PSMD11: variants seen among roughly 807,000 people sequenced by gnomAD.
The protein encoded by PSMD11 is proteasome 26S subunit, non-ATPase 11.
In PSMD11, 5 loss-of-function variants were observed where a neutral mutation model predicts 62.3. The ratio of observed to expected loss-of-function variants is 0.08; its 90% CI spans 0.04 to 0.17. The LOEUF (loss-of-function observed/expected upper bound fraction) is 0.17. PSMD11 is among the 10% of genes least tolerant of loss of function. The pLI is 1.00. For missense variants in PSMD11, 310 were observed against 512.9 expected (o/e 0.60, Z 3.82); for synonymous variants, 191 against 191.8 (o/e 1.00, Z 0.03).
rs147494964 is a variant in PSMD11 at position 32,462,915 on chromosome 17, C to T, written c.319-1134C>T. Among the ~76,000 whole-genome samples the T allele has an allele frequency of 6.8e-4, 104 of 152,252 alleles. 3 individuals carry two copies. Among genetic ancestry groups the T allele is most frequent in the Admixed American group, 6.0e-3 (91 of 15,286 alleles). On this transcript the variant is annotated intron_variant, in intron 3 of 13. Transcript: ENST00000261712. Reference sequence around the variant, plus strand: ...GTTGGTCAGGCTGGTCTTGAACTCCCGACCTCAGGTGATCCACCTGCCTTG... The same window carrying T: ...GTTGGTCAGGCTGGTCTTGAACTCCTGACCTCAGGTGATCCACCTGCCTTG...
intron 3 of PSMD11, among the ~76,000 whole-genome samples, chr17:32,462,494 G>A (rs1907870882): frequency 6.6e-6 from 1 of 152,168 alleles, no homozygotes; most frequent in African/African-American, 2.4e-5. Context: ...TAGAGTTGGA[G>A]ATTAGGTAGC....
At chr17:32,472,040 T>G (rs1908177923) in intron 6 of PSMD11, among the ~76,000 whole-genome samples, 1 of 152,130 alleles carries the variant, frequency 6.6e-6, no homozygotes, top group Admixed American at 6.5e-5. Flanking sequence ...CACGCCTGGC[T>G]AATTTTTTGT....
chr17:32,465,962 G>A (rs979600393), intron 5 of PSMD11, among the ~76,000 whole-genome samples: 5 of 151,868 alleles, frequency 3.3e-5, no homozygotes, highest in African/African-American at 1.2e-4. Flanking sequence ...GCAACAGAGC[G>A]AGACTCTGTC....
In PSMD11 at chr17:32,481,789, T is replaced by G. The variant is rs1908501475; in HGVS notation, c.*1037T>G. 6.6e-6 allele frequency: 1 copy of G among 152,116 alleles called. No homozygotes were observed. Among genetic ancestry groups the G allele is most frequent in the South Asian group, 2.1e-4 (1 of 4,832 alleles). The allele number at this position is 152,116 out of a possible 1,614,324, so 9.4% of individuals were successfully genotyped here. ...ACAATGAACATCGGAAATGAGACTG[T>G]GGGGTGTGGTTTCTCTCTCTCTTTT... On this transcript the variant is annotated 3_prime_UTR_variant, in exon 14 of 14. Transcript: ENST00000261712.
chr17:32,449,932 A>C (rs139586270), intron 2 of PSMD11, among the ~76,000 whole-genome samples: 2 of 152,368 alleles, frequency 1.3e-5, no homozygotes, highest in Non-Finnish European at 2.9e-5. Context: ...CTTGGGGATT[A>C]CCAAATAAAA....
intron 3 of PSMD11, among the ~76,000 whole-genome samples, chr17:32,462,756 G>T (rs886413231): frequency 6.6e-6 from 1 of 151,912 alleles, no homozygotes; most frequent in Non-Finnish European, 1.5e-5. Flanking sequence ...GTGCGATCTC[G>T]GCTCACCGCA....
chr17:32,461,982 G>A (rs961812175), intron 3 of PSMD11, among the ~76,000 whole-genome samples: 3 of 152,162 alleles, frequency 2.0e-5, no homozygotes, highest in African/African-American at 7.2e-5. Context: ...GATGTTACCC[G>A]TCAGTTCACC....
Position 32,470,116 on chromosome 17 carries a change from G to T in PSMD11, c.643+923G>T, listed in dbSNP as rs145559150. On this transcript the variant is annotated intron_variant, in intron 6 of 13. Coordinates refer to ENST00000261712, the MANE Select transcript of PSMD11 (RefSeq NM_002815.4). Reference sequence around the variant, plus strand: ...CAGCCTCAACTTCCTGGGCTCAAGTGATCCTCCTATCTCAGTCTCTTGAGT... The same window carrying T: ...CAGCCTCAACTTCCTGGGCTCAAGTTATCCTCCTATCTCAGTCTCTTGAGT... 7.4e-4 allele frequency among the ~76,000 whole-genome samples: 112 copies of T among 151,804 alleles called. 2 individuals carry two copies. In the South Asian group the frequency reaches 0.012, roughly 17 times the overall value.
intron 5 of PSMD11, among the ~76,000 whole-genome samples, chr17:32,467,025 A>G (rs1423975494): frequency 2.0e-5 from 3 of 151,728 alleles, no homozygotes; most frequent in Non-Finnish European, 2.9e-5. Flanking sequence ...GCTCACTGCA[A>G]CCTCCACCTC....
intron 5 of PSMD11, 89 bp from the exon 6 acceptor site, chr17:32,468,910 T>TA (rs1908075679): frequency 1.7e-6 from 2 of 1,185,414 alleles, no homozygotes; most frequent in East Asian, 2.7e-5. Flanking sequence ...TTTTTTTTTT[T>TA]AATCCTGAGT....
At chr17:32,446,920 G>A in intron 1 of PSMD11, 25 bp from the exon 2 acceptor site, 6 of 1,549,830 alleles carry the variant, frequency 3.9e-6, no homozygotes, top group Non-Finnish European at 4.4e-6. Context: ...AGAATTTTAA[G>A]AGGGTTTGCA....
intron 1 of PSMD11, chr17:32,445,303 G>A (rs1295297115): frequency 6.6e-6 from 1 of 152,570 alleles, no homozygotes; most frequent in East Asian, 1.9e-4. Flanking sequence ...GGACCGCCTG[G>A]CTAGAGGAGG....
rs564315783 is a variant in PSMD11, at chr17:32,468,307, C to T, written c.449-692C>T. Among the ~76,000 whole-genome samples, 7 of 152,098 alleles carry T rather than the reference C, an allele frequency of 4.6e-5. No homozygotes were observed. The South Asian group carries it at 6.2e-4, about 14-fold the overall frequency. On this transcript the variant is annotated intron_variant, in intron 5 of 13. Coordinates refer to ENST00000261712, the MANE Select transcript of PSMD11 (RefSeq NM_002815.4). ...GTGGGTTGTTTTTTTCCTTCGATGA[C>T]GTCCTTTGAAGTACATTTTAATTTT...
At chr17:32,447,179 T>C (rs1907356709) in intron 2 of PSMD11, 133 bp downstream of exon 2, 10 of 659,990 alleles carry the variant, frequency 1.5e-5, no homozygotes, top group Non-Finnish European at 2.4e-5. Context: ...AGCTTCAGTT[T>C]TTTAGCAGGC....
intron 8 of PSMD11, among the ~76,000 whole-genome samples, chr17:32,476,025 C>T (rs570682528): frequency 6.6e-5 from 10 of 151,268 alleles, no homozygotes; most frequent in African/African-American, 1.5e-4. Flanking sequence ...GCACTTTGGG[C>T]GGCTGAGGTG....
At chr17:32,475,937 A>G (rs991092187) in intron 8 of PSMD11, among the ~76,000 whole-genome samples, 2 of 151,794 alleles carry the variant, frequency 1.3e-5, no homozygotes, top group African/African-American at 4.8e-5. Context: ...TGAGGTCAAA[A>G]CCAGGAGCTG....
chr17:32,474,198 T>C, intron 7 of PSMD11: 1 of 527,888 alleles, frequency 1.9e-6, no homozygotes, highest in South Asian at 2.2e-5. Flanking sequence ...TCCTCATCCT[T>C]TAAATATTCT....
intron 5 of PSMD11, among the ~76,000 whole-genome samples, chr17:32,465,444 G>T (rs1907966109): frequency 6.6e-6 from 1 of 152,064 alleles, no homozygotes; most frequent in South Asian, 2.1e-4. Context: ...GGTAGATCTG[G>T]ACTATTTTTT....
At chr17:32,477,339 T>G (rs535470542) in intron 8 of PSMD11, 182 bp from the exon 9 acceptor site, 1 of 434,346 alleles carries the variant, frequency 2.3e-6, no homozygotes, top group South Asian at 7.1e-5. Flanking sequence ...GGGAAACAGG[T>G]TGGCATATAG....
Sources: gnomAD v4.1 joint callset for allele counts (sites outside exome capture counted in the v4.1 genomes callset) on GRCh38, gnomAD v4.1.1 for gene constraint, MANE v1.5 for transcripts, NCBI Gene and HGNC (gene_info 2026-07-23, HGNC 2026-07-21) for gene names.